The following NPHP3 variants were observed in gnomAD, a reference collection of about 807,000 sequenced individuals.
NPHP3 encodes nephrocystin 3, also known as nephrocystin-3.
Under a neutral mutation model 171.9 loss-of-function variants are expected in NPHP3, and 123 were observed. The observed-to-expected ratio is 0.72, with a 90% CI of 0.62 to 0.83. The LOEUF (loss-of-function observed/expected upper bound fraction) is 0.83. Among genes scored for constraint, NPHP3 ranks in the 40% least tolerant of loss-of-function variants. The pLI is 0.00. For missense variants in NPHP3, 1,506 were observed against 1,591.9 expected, an observed-to-expected ratio of 0.95 and a Z score of 0.92; for synonymous variants, 558 against 579.2, an observed-to-expected ratio of 0.96 and a Z score of 0.52.
intron 19 of NPHP3, among the ~76,000 whole-genome samples, chr3:132,690,175 G>A (rs896084097): frequency 1.3e-5 from 2 of 152,152 alleles, no homozygotes; most frequent in Admixed American, 1.3e-4. Context: ...ACTTGGACCC[G>A]AGTCTGGTTT....
rs998712707 is a variant in NPHP3 at position 132,681,175 on chromosome 3, G to A, written c.*735C>T. On this transcript the variant is annotated 3_prime_UTR_variant, in exon 27 of 27. Transcript: ENST00000337331. ...CCTTGAAACTTTCCTTTGAGGTAGA[G>A]AATTGGGCCAGACTACTGCTGAAAA... The A allele has an allele frequency of 6.6e-6, 1 of 151,342 alleles. No individual in the cohort carries two copies. Among genetic ancestry groups the A allele is most frequent in the African/African-American group, 2.4e-5 (1 of 41,200 alleles). The allele number at this position is 151,342 out of a possible 1,614,324, so 9.4% of individuals were successfully genotyped here. A position where few individuals can be genotyped will look rare whatever the true frequency, so the allele number is the denominator to read the frequency against.
At position 132,700,402 on chromosome 3, in the gene NPHP3, G is replaced by A; in HGVS notation, c.1675C>T (p.His559Tyr). The change falls in exon 11 of 27, where the codon CAT (histidine) becomes TAT (tyrosine). Residue 559 changes from histidine to tyrosine, a missense_variant. Physicochemically the swap from His to Tyr is moderately conservative, Grantham distance 83. Coordinates refer to ENST00000337331, the MANE Select transcript of NPHP3 (RefSeq NM_153240.5). ...KNSPNTLILSHFVGRPMSTSS... is the reference protein window; with the variant it reads ...KNSPNTLILSYFVGRPMSTSS... Reference sequence around the variant, plus strand: ...GTTGACATGGGCCTTCCCACAAAATGGGAAAGAATCAGTGTGTTGGGGGAA... The same window carrying A: ...GTTGACATGGGCCTTCCCACAAAATAGGAAAGAATCAGTGTGTTGGGGGAA... 6.2e-7 allele frequency: 1 copy of A among 1,613,278 alleles called. No homozygotes were observed. The highest frequency in any genetic ancestry group is 8.5e-7 in the Non-Finnish European group (1 of 1,179,490).
At position 132,698,264 on chromosome 3, in the gene NPHP3, C is replaced by A. The variant is rs1939509391; in HGVS notation, c.1986-902G>T. Reference sequence around the variant, plus strand: ...AAAGTGTTGGGATTACAGGCATGAGCCACTGCGCCCAGCCATTTGTTTGTT... The same window carrying A: ...AAAGTGTTGGGATTACAGGCATGAGACACTGCGCCCAGCCATTTGTTTGTT... On this transcript the variant is annotated intron_variant, in intron 13 of 26. Coordinates refer to ENST00000337331, the MANE Select transcript of NPHP3 (RefSeq NM_153240.5). Among the ~76,000 whole-genome samples, 7 of 151,992 alleles carry A rather than the reference C, an allele frequency of 4.6e-5. No individual in the cohort carries two copies. The South Asian group carries it at 1.5e-3, about 32-fold the overall frequency.
chr3:132,684,906 A>T lies in NPHP3; in HGVS notation c.3330-112T>A, dbSNP rs956791532. ...ATCTTTATTCTTAGATTCTAGTTAA[A>T]ATAAGAGATTCAGCTCAAAATCTTA... On this transcript the variant is annotated intron_variant, in intron 23 of 26. Transcript: ENST00000337331. 7.7e-6 allele frequency: 10 copies of T among 1,303,374 alleles called. No homozygotes were observed. The African/African-American group carries it at 1.5e-4, about 19-fold the overall frequency. 80.7% of individuals were successfully genotyped at this position (1,303,374 alleles called of 1,614,324 possible).
At position 132,701,553 on chromosome 3, in the gene NPHP3, T is replaced by C. The variant is rs750804233; in HGVS notation, c.1525-20A>G. 1.2e-5 allele frequency: 18 copies of C among 1,519,498 alleles called. No individual in the cohort carries two copies. Among genetic ancestry groups the C allele is most frequent in the East Asian group, 2.3e-5 (1 of 44,400 alleles). 94.1% of individuals were successfully genotyped at this position (1,519,498 alleles called of 1,614,324 possible). ...GTAATACTAGAAAAAAAAATGAATT[T>C]ACATTGTAAGGAAGCACATGCCTCT... On this transcript the variant is annotated intron_variant, in intron 9 of 26. Transcript: ENST00000337331.
At chr3:132,689,399 CCACT>C in intron 19 of NPHP3, 136 bp from the exon 20 acceptor site, 1 of 869,664 alleles carries the variant, frequency 1.1e-6, no homozygotes, top group South Asian at 1.5e-5. Flanking sequence ...AAGACTCAGA[CCACT>C]CACTATCTGA....
intron 9 of NPHP3, among the ~76,000 whole-genome samples, chr3:132,703,284 A>C (rs1168027537): frequency 6.6e-6 from 1 of 152,236 alleles, no homozygotes; most frequent in Non-Finnish European, 1.5e-5. Context: ...AAATTCAAAA[A>C]GTTCTGTAAA....
intron 4 of NPHP3, 112 bp downstream of exon 4, chr3:132,716,645 T>A: frequency 8.3e-7 from 1 of 1,202,514 alleles, no homozygotes; most frequent in Non-Finnish European, 1.2e-6. Context: ...TGGAAAGCAC[T>A]AGGAACACAA....
intron 8 of NPHP3, among the ~76,000 whole-genome samples, chr3:132,704,714 A>T (rs1268185897): frequency 1.3e-5 from 2 of 152,184 alleles, no homozygotes; most frequent in African/African-American, 4.8e-5. Flanking sequence ...TGGCTAGGAA[A>T]TATGCTATAA....
intron 3 of NPHP3, among the ~76,000 whole-genome samples, chr3:132,717,622 T>A (rs1177626248): frequency 2.0e-5 from 3 of 152,214 alleles, no homozygotes; most frequent in African/African-American, 7.2e-5. Flanking sequence ...AATTTGTTTC[T>A]AACTTGCCAA....
chr3:132,690,171 A>ACCCGAGTC (rs1939263583), intron 19 of NPHP3, among the ~76,000 whole-genome samples: 1 of 152,204 alleles, frequency 6.6e-6, no homozygotes, highest in Non-Finnish European at 1.5e-5. Flanking sequence ...TTCTACTTGG[A>ACCCGAGTC]CCCGAGTCTG....
chr3:132,703,999 G>T (rs1047820207), intron 9 of NPHP3, among the ~76,000 whole-genome samples, 199 bp downstream of exon 9: 3 of 152,036 alleles, frequency 2.0e-5, no homozygotes, highest in South Asian at 2.1e-4. Context: ...AAAAATGTTC[G>T]GTCTTTATAA....
rs111771204 is a variant in NPHP3, at chr3:132,681,509, C to T, written c.*401G>A. 194 of 223,148 alleles carry T rather than the reference C, an allele frequency of 8.7e-4. 1 individual carries two copies. The highest frequency in any genetic ancestry group is 3.8e-3 in the African/African-American group (160 of 42,576). The allele number at this position is 223,148 out of a possible 1,614,324, so 13.8% of individuals were successfully genotyped here. ...TCTCCAACTCCTGGCCTCAAGTGAT[C>T]CTCCTGCATCACCCTCCCAAAGTGG... On this transcript the variant is annotated 3_prime_UTR_variant, in exon 27 of 27. Transcript: ENST00000337331.
At chr3:132,686,138 A>C (rs78416000) in intron 23 of NPHP3, 122 bp downstream of exon 23, 44 of 988,158 alleles carry the variant, frequency 4.5e-5, no homozygotes, top group Admixed American at 6.9e-5. Flanking sequence ...AACATCATAC[A>C]TGAAATTTTG....
chr3:132,684,518 G>A (rs748014757), intron 24 of NPHP3, 36 bp downstream of exon 24: 1 of 1,611,198 alleles, frequency 6.2e-7, no homozygotes, highest in Non-Finnish European at 8.5e-7. Flanking sequence ...TAACTGATAT[G>A]TTATAAAACA....
chr3:132,703,579 C>CT (rs747062922), intron 9 of NPHP3, among the ~76,000 whole-genome samples: 208 of 131,010 alleles, frequency 1.6e-3, no homozygotes, highest in South Asian at 4.7e-3. Context: ...TTCTTTCTTT[C>CT]TTTTTTTTTT....
chr3:132,690,666 A>C lies in NPHP3; in HGVS notation c.2571-16T>G, dbSNP rs1373379812. 1 of 1,613,434 alleles carries C rather than the reference A, an allele frequency of 6.2e-7. No individual in the cohort carries two copies. Among genetic ancestry groups the C allele is most frequent in the South Asian group, 1.1e-5 (1 of 91,028 alleles). On this transcript the variant is annotated splice_polypyrimidine_tract_variant and intron_variant, in intron 18 of 26. Transcript: ENST00000337331. Reference sequence around the variant, plus strand: ...TCTGTCCTGACTATCAAAAGAGAGGAGACAATATTCAATATCTTCCTACAA... The same window carrying C: ...TCTGTCCTGACTATCAAAAGAGAGGCGACAATATTCAATATCTTCCTACAA...
At chr3:132,692,590 T>A in intron 17 of NPHP3, 64 bp downstream of exon 17, 1 of 1,434,988 alleles carries the variant, frequency 7.0e-7, no homozygotes, top group Non-Finnish European at 9.8e-7. Context: ...CACTCCAGCC[T>A]GGGTGACAGA....
intron 26 of NPHP3, 181 bp downstream of exon 26, chr3:132,682,522 G>C: frequency 1.6e-6 from 1 of 609,966 alleles, no homozygotes; most frequent in Non-Finnish European, 2.9e-6. Context: ...CTGCAAAATA[G>C]ATCATGCAGG....
Sources: gnomAD v4.1 joint callset for allele counts (sites outside exome capture counted in the v4.1 genomes callset) on GRCh38, gnomAD v4.1.1 for gene constraint, MANE v1.5 for transcripts, NCBI Gene and HGNC (gene_info 2026-07-23, HGNC 2026-07-21) for gene names.